Variants in CEP350 observed in about 807,000 individuals in gnomAD.
The protein encoded by CEP350 is centrosome-associated protein 350.
In CEP350, 126 loss-of-function variants were observed where a neutral mutation model predicts 331.8. The ratio of observed to expected loss-of-function variants is 0.38; its 90% CI spans 0.33 to 0.44. The LOEUF (loss-of-function observed/expected upper bound fraction) is 0.44, where lower values mean the gene tolerates loss of function less well. Among genes scored for constraint, CEP350 ranks in the 20% least tolerant of loss-of-function variants. The pLI is 1.00. For synonymous variants in CEP350, 1,200 were observed against 1,259.5 expected (o/e 0.95, Z 1.00); for missense variants, 3,406 against 3,634.6 (o/e 0.94, Z 1.62).
chr1:180,014,877 G>A (rs2501606), intron 10 of CEP350, among the ~76,000 whole-genome samples: 151,354 of 152,364 alleles, frequency 0.99, 75,184 homozygotes, highest in Middle Eastern at 1. Flanking sequence ...TCCAAAAACT[G>A]AACTACTAAT....
intron 30 of CEP350, among the ~76,000 whole-genome samples, chr1:180,082,572 A>G (rs754530480): frequency 2.6e-5 from 4 of 152,010 alleles, no homozygotes; most frequent in Non-Finnish European, 5.9e-5. Context: ...ACCTTTGCCT[A>G]CCAAAATGCT....
At chr1:179,976,055 GTTTTAAGGTGAA>G (rs1651840091) in intron 1 of CEP350, among the ~76,000 whole-genome samples, 1 of 152,158 alleles carries the variant, frequency 6.6e-6, no homozygotes, top group Non-Finnish European at 1.5e-5. Context: ...AGTAGTGAGA[GTTTTAAGGTGAA>G]AGTTTAAGAT....
chr1:180,104,266 A>G (rs1661018040), intron 37 of CEP350, among the ~76,000 whole-genome samples: 1 of 151,758 alleles, frequency 6.6e-6, no homozygotes, highest in East Asian at 1.9e-4. Flanking sequence ...TTTATCTATA[A>G]TTAATATTTG....
intron 37 of CEP350, among the ~76,000 whole-genome samples, chr1:180,106,431 G>T (rs1661147891): frequency 6.6e-6 from 1 of 152,104 alleles, no homozygotes. Context: ...TTTGACCCGG[G>T]TCTTTTCTCC....
intron 1 of CEP350, 102 bp downstream of exon 1, chr1:179,955,244 C>T: frequency 1.8e-6 from 2 of 1,110,140 alleles, no homozygotes; most frequent in Non-Finnish European, 2.2e-6. Flanking sequence ...AGAGGCGGGG[C>T]CGGGCGCGGA....
chr1:180,029,548 C>T (rs922691288), intron 14 of CEP350, among the ~76,000 whole-genome samples: 31 of 152,246 alleles, frequency 2.0e-4, no homozygotes, highest in African/African-American at 7.5e-4. Context: ...GTACAATCAT[C>T]CCCACCACTC....
At chr1:180,053,238 G>A (rs1571927885) in intron 23 of CEP350, 72 bp downstream of exon 23, 1 of 702,972 alleles carries the variant, frequency 1.4e-6, no homozygotes, top group Non-Finnish European at 2.2e-6. Context: ...AAAACATTTT[G>A]TACTTATCTC....
Position 180,076,558 on chromosome 1 carries a change from G to A in CEP350, c.5767+1337G>A, listed in dbSNP as rs147717460. On this transcript the variant is annotated intron_variant, in intron 28 of 37. Transcript: ENST00000367607. ...AATCCCAACACTTTGGGAGGCTGAGGTGGGTGGATCACTTGAACCCAGGAG... is the reference window on the plus strand; with the variant it reads ...AATCCCAACACTTTGGGAGGCTGAGATGGGTGGATCACTTGAACCCAGGAG... Among the ~76,000 whole-genome samples the A allele has an allele frequency of 4.4e-3, 664 of 152,274 alleles. 5 individuals carry two copies. Among genetic ancestry groups the A allele is most frequent in the African/African-American group, 0.015 (632 of 41,558 alleles).
At chr1:180,005,864 C>G (rs927763692) in intron 7 of CEP350, among the ~76,000 whole-genome samples, 1 of 152,152 alleles carries the variant, frequency 6.6e-6, no homozygotes, top group African/African-American at 2.4e-5. Context: ...ACCCAGAATG[C>G]AGAACTCTAC....
chr1:180,054,377 A>T, intron 24 of CEP350, 38 bp from the exon 25 acceptor site: 2 of 1,457,322 alleles, frequency 1.4e-6, no homozygotes, highest in Middle Eastern at 1.7e-4. Flanking sequence ...AGAGAAATTT[A>T]ATCAAATCTT....
Position 180,043,202 on chromosome 1 carries a change from C to A in CEP350, c.4499+10C>A, listed in dbSNP as rs771805698. 9 of 1,601,030 alleles carry A rather than the reference C, an allele frequency of 5.6e-6. No homozygotes were observed. In the African/African-American group the frequency reaches 1.1e-4, roughly 19 times the overall value. ...GAACTGAAACAGATAGGTTAATATT[C>A]ATTCAGTCAGCAAATATATAATGAC... On this transcript the variant is annotated intron_variant, in intron 20 of 37. Coordinates refer to ENST00000367607, the MANE Select transcript of CEP350 (RefSeq NM_014810.5).
Position 179,990,568 on chromosome 1 carries a change from T to A in CEP350, c.182T>A (p.Val61Asp). Residue 61 changes from valine (V) to aspartate (D), a missense_variant, in exon 4 of 38, where the codon GTC becomes GAC. By Grantham distance (152) the Val-to-Asp change is radical (BLOSUM62 -3). Around this residue, in one of 5 missense-constraint regions of CEP350, gnomAD observed 1,857 missense variants for 1,909.2 expected, o/e 0.97. Coordinates refer to ENST00000367607, the MANE Select transcript of CEP350 (RefSeq NM_014810.5). ...APTSTAVCDS[V>D]MDTKKSSTSA... Reference sequence around the variant, plus strand: ...ACAAGTACAGCTGTGTGTGATTCTGTCATGGATACCAAGAAGTCTTCTACA... The same window carrying A: ...ACAAGTACAGCTGTGTGTGATTCTGACATGGATACCAAGAAGTCTTCTACA... The A allele has an allele frequency of 6.2e-7, 1 of 1,606,412 alleles. No homozygotes were observed. The highest frequency in any genetic ancestry group is 8.5e-7 in the Non-Finnish European group (1 of 1,175,892).
intron 25 of CEP350, among the ~76,000 whole-genome samples, chr1:180,060,104 A>G (rs902509377): frequency 6.6e-6 from 1 of 152,348 alleles, no homozygotes; most frequent in East Asian, 1.9e-4. Context: ...CAATCATTGT[A>G]TACTCATTAG....
Position 180,020,234 on chromosome 1 carries a change from T to C in CEP350, c.2460T>C (p.Ser820=). 1 of 1,613,976 alleles carries C rather than the reference T, an allele frequency of 6.2e-7. No individual in the cohort carries two copies. Among genetic ancestry groups the C allele is most frequent in the East Asian group, 2.2e-5 (1 of 44,896 alleles). The change falls in exon 12 of 38, where the codon AGT becomes AGC. Residue 820 remains serine (S), a synonymous_variant. Transcript: ENST00000367607. The part of the protein sequence containing the change: ...LLKPSASQYK[S]KLDRIEALKA... The stretch of plus-strand genomic sequence containing the variant: ...AACCTAGTGCCAGCCAATATAAGAG[T>C]AAACTGGATCGTATTGAAGCCTTGA...
At chr1:180,016,972 CT>C (rs1470583518) in intron 11 of CEP350, among the ~76,000 whole-genome samples, 2 of 152,088 alleles carry the variant, frequency 1.3e-5, no homozygotes, top group East Asian at 3.9e-4. Context: ...CCATATGGTC[CT>C]TTTTTTACCC....
intron 1 of CEP350, among the ~76,000 whole-genome samples, chr1:179,970,300 G>A (rs550402804): frequency 2.6e-5 from 4 of 152,268 alleles, no homozygotes; most frequent in East Asian, 1.9e-4. Flanking sequence ...AGTTTTTGAG[G>A]TTTATATTTT....
intron 8 of CEP350, among the ~76,000 whole-genome samples, chr1:180,009,750 G>A (rs1234513104): frequency 6.6e-6 from 1 of 152,134 alleles, no homozygotes; most frequent in African/African-American, 2.4e-5. Context: ...AATAGATTGA[G>A]CAGTATACGT....
Position 180,078,542 on chromosome 1 carries a change from C to T in CEP350, c.5847C>T (p.Gly1949=), listed in dbSNP as rs765323198. Residue 1949 remains glycine (G), a synonymous_variant, in exon 29 of 38, where the codon GGC becomes GGT. Coordinates refer to ENST00000367607, the MANE Select transcript of CEP350 (RefSeq NM_014810.5). ...NSESSIPEEL[G]SPAVEYVPSE... ...AAAGCTCCATTCCAGAAGAATTAGGCAGCCCTGCTGTTGAATATGTACCAT... is the reference window on the plus strand; with the variant it reads ...AAAGCTCCATTCCAGAAGAATTAGGTAGCCCTGCTGTTGAATATGTACCAT... 6.2e-7 allele frequency: 1 copy of T among 1,613,560 alleles called. No individual in the cohort carries two copies. Among genetic ancestry groups the T allele is most frequent in the Admixed American group, 1.7e-5 (1 of 59,988 alleles).
intron 1 of CEP350, among the ~76,000 whole-genome samples, chr1:179,977,612 C>A (rs537496117): frequency 4.7e-4 from 72 of 152,178 alleles, no homozygotes; most frequent in African/African-American, 1.7e-3. Flanking sequence ...TGAATTTAGA[C>A]CCTGGCAGAC....
Sources: allele counts gnomAD v4.1 joint callset (sites outside exome capture counted in the v4.1 genomes callset), GRCh38; gene constraint gnomAD v4.1.1; regional missense constraint gnomAD v4.1.1; transcripts MANE v1.5; gene names NCBI Gene and HGNC (gene_info 2026-07-23, HGNC 2026-07-21).